The following TTC7B variants were observed in gnomAD, a reference collection of about 807,000 sequenced individuals.
The protein encoded by TTC7B is tetratricopeptide repeat domain 7B, also known as tetratricopeptide repeat protein 7B.
A neutral mutation model predicts 106.8 loss-of-function variants in TTC7B; 28 were observed. The observed-to-expected ratio is 0.26, with a 90% confidence interval of 0.19 to 0.36. TTC7B has a LOEUF of 0.36. Ranked by LOEUF, TTC7B falls within the 10% of genes least tolerant of loss-of-function variation. TTC7B has a pLI of 1.00. For synonymous variants in TTC7B, 405 were observed against 430.6 expected, an observed-to-expected ratio of 0.94 and a Z score of 0.74; for missense variants, 862 against 1,076.4, an observed-to-expected ratio of 0.80 and a Z score of 2.79.
chr14:90,761,173 A>AAGCTT (rs1890487733), intron 3 of TTC7B, among the ~76,000 whole-genome samples: 1 of 87,746 alleles, frequency 1.1e-5, no homozygotes, highest in African/African-American at 1.7e-4. Context: ...CTCAACTGCC[A>AAGCTT]ATGAAGGACC....
At chr14:90,630,371 G>C (rs1411524660) in intron 15 of TTC7B, among the ~76,000 whole-genome samples, 1 of 152,138 alleles carries the variant, frequency 6.6e-6, no homozygotes, top group Non-Finnish European at 1.5e-5. Context: ...TGCAGAGCCG[G>C]AGAATCTCAA....
At chr14:90,711,924 G>T (rs917810644) in intron 5 of TTC7B, among the ~76,000 whole-genome samples, 4 of 152,106 alleles carry the variant, frequency 2.6e-5, no homozygotes, top group African/African-American at 9.7e-5. Context: ...CATTAAATGT[G>T]TATGTATACA....
Position 90,634,442 on chromosome 14 carries a change from T to TAA in TTC7B, c.1751+9604_1751+9605dup, listed in dbSNP as rs1331827261. On this transcript the variant is annotated intron_variant, in intron 15 of 19. Coordinates refer to ENST00000328459, the MANE Select transcript of TTC7B (RefSeq NM_001010854.2). ...AGAAGGCAGAGGTTATCAGACTAAG[T>TAA]AAAAAAAAAAAGACCTATCTGCTAT... is the stretch of plus-strand genomic sequence containing the variant. Among the ~76,000 whole-genome samples, 5 of 142,462 alleles carry TAA rather than the reference T, an allele frequency of 3.5e-5. 1 individual carries two copies. Among genetic ancestry groups the TAA allele is most frequent in the African/African-American group, 1.3e-4 (5 of 38,928 alleles). The allele number at this position is 142,462 out of a possible 152,430, so 93.5% of individuals were successfully genotyped here.
chr14:90,638,262 A>G (rs923265931), intron 15 of TTC7B, among the ~76,000 whole-genome samples: 1 of 152,204 alleles, frequency 6.6e-6, no homozygotes, highest in African/African-American at 2.4e-5. Context: ...CAGTAAGACA[A>G]GTTAAAAAAA....
At chr14:90,761,575 C>A (rs1890503825) in intron 3 of TTC7B, among the ~76,000 whole-genome samples, 1 of 152,242 alleles carries the variant, frequency 6.6e-6, no homozygotes, top group Non-Finnish European at 1.5e-5. Context: ...ACCCATGTGG[C>A]ACAGCTAGCC....
chr14:90,708,886 G>A (rs113035095), intron 5 of TTC7B, among the ~76,000 whole-genome samples: 15,669 of 151,800 alleles, frequency 0.1, 833 homozygotes, highest in African/African-American at 0.13. Flanking sequence ...GATATGAACA[G>A]ACACTTCTCA....
At chr14:90,775,791 T>A (rs966686992) in intron 3 of TTC7B, among the ~76,000 whole-genome samples, 1 of 152,096 alleles carries the variant, frequency 6.6e-6, no homozygotes, top group African/African-American at 2.4e-5. Context: ...TGGTGGGAGA[T>A]GACCGTGCTG....
At chr14:90,800,586 C>T (rs528684694) in intron 1 of TTC7B, among the ~76,000 whole-genome samples, 2 of 150,900 alleles carry the variant, frequency 1.3e-5, no homozygotes, top group Admixed American at 6.6e-5. Context: ...CCGAGGCAGG[C>T]GGATCATGAG....
intron 1 of TTC7B, among the ~76,000 whole-genome samples, chr14:90,809,739 C>T (rs2030793592): frequency 6.6e-6 from 1 of 152,250 alleles, no homozygotes; most frequent in African/African-American, 2.4e-5. Flanking sequence ...TGCTGTGAGC[C>T]CAACTCCATG....
chr14:90,793,193 G>A (rs1234319552), intron 1 of TTC7B, among the ~76,000 whole-genome samples: 1 of 152,078 alleles, frequency 6.6e-6, no homozygotes, highest in Non-Finnish European at 1.5e-5. Context: ...TGAGTTTCCT[G>A]AGACCTCCCC....
intron 19 of TTC7B, among the ~76,000 whole-genome samples, chr14:90,553,690 C>G (rs911063647): frequency 1.3e-5 from 2 of 152,232 alleles, no homozygotes; most frequent in African/African-American, 2.4e-5. Flanking sequence ...GCTTCCAGAA[C>G]AGCGCACGCT....
chr14:90,777,101 G>C (rs1222515760), intron 3 of TTC7B, among the ~76,000 whole-genome samples: 6 of 152,158 alleles, frequency 3.9e-5, no homozygotes, highest in Non-Finnish European at 8.8e-5. Flanking sequence ...TTAGCCAGGT[G>C]TGATAGTGCA....
intron 19 of TTC7B, among the ~76,000 whole-genome samples, chr14:90,548,575 G>C (rs1889934635): frequency 6.6e-6 from 1 of 152,240 alleles, no homozygotes; most frequent in Admixed American, 6.5e-5. Flanking sequence ...CTTATCTCTA[G>C]CTCTGTTCCC....
chr14:90,717,802 G>T (rs960539764), intron 5 of TTC7B, among the ~76,000 whole-genome samples: 5 of 152,216 alleles, frequency 3.3e-5, no homozygotes, highest in African/African-American at 1.2e-4. Context: ...GCAGGTAGGT[G>T]ATTGAGCTTT....
chr14:90,653,257 G>T (rs775180600), intron 12 of TTC7B, among the ~76,000 whole-genome samples: 11 of 152,212 alleles, frequency 7.2e-5, no homozygotes, highest in Non-Finnish European at 1.5e-4. Flanking sequence ...GGAACGACAA[G>T]CTCTATGAAG....
intron 15 of TTC7B, among the ~76,000 whole-genome samples, chr14:90,626,244 G>C (rs1430655786): frequency 6.6e-6 from 1 of 152,184 alleles, no homozygotes; most frequent in Admixed American, 6.5e-5. Context: ...AATAAGAACT[G>C]GGGGAGCATG....
Position 90,786,271 on chromosome 14 carries a change from T to C in TTC7B, c.179A>G (p.His60Arg), listed in dbSNP as rs759455234. ...ESKLEQYLKE[H>R]PLRQGASPRG... ...GGGACTGGCCCCCTGCCTCAGGGGGTGTTCCTTCAGGTACTGCTCCAGCTT... is the reference window on the plus strand; with the variant it reads ...GGGACTGGCCCCCTGCCTCAGGGGGCGTTCCTTCAGGTACTGCTCCAGCTT... Residue 60 changes from histidine to arginine, a missense_variant, in exon 2 of 20, where the codon CAC (histidine) becomes CGC (arginine). Coordinates refer to ENST00000328459, the MANE Select transcript of TTC7B (RefSeq NM_001010854.2). 1.2e-6 allele frequency: 2 copies of C among 1,612,374 alleles called. No homozygotes were observed. The highest frequency in any genetic ancestry group is 2.2e-5 in the South Asian group (2 of 90,962).
chr14:90,746,889 G>A (rs1277741648), intron 3 of TTC7B, among the ~76,000 whole-genome samples: 1 of 152,106 alleles, frequency 6.6e-6, no homozygotes, highest in Non-Finnish European at 1.5e-5. Context: ...ATTCCATCAT[G>A]ATCTGTGCAG....
chr14:90,786,377 G>A (rs374170058), intron 1 of TTC7B, 49 bp from the exon 2 acceptor site: 2 of 1,603,068 alleles, frequency 1.2e-6, no homozygotes, highest in South Asian at 2.2e-5. Flanking sequence ...TGGCCTGCAT[G>A]TAGGACCCCC....
Sources: gnomAD v4.1 joint callset for allele counts (sites outside exome capture counted in the v4.1 genomes callset) on GRCh38, gnomAD v4.1.1 for gene constraint, MANE v1.5 for transcripts, NCBI Gene and HGNC (gene_info 2026-07-23, HGNC 2026-07-21) for gene names.